Variants in NAE1 observed in about 807,000 individuals in gnomAD.
NAE1 encodes the protein NEDD8-activating enzyme E1 regulatory subunit.
A neutral mutation model predicts 88.0 loss-of-function variants in NAE1; 59 were observed. That is an observed-to-expected ratio of 0.67 (90% CI 0.54 to 0.83). NAE1 has a LOEUF of 0.83. Ranked by LOEUF, NAE1 falls within the 40% of genes least tolerant of loss-of-function variation. NAE1 has a pLI of 0.00. For synonymous variants in NAE1, 186 were observed against 208.9 expected, an observed-to-expected ratio of 0.89 and a Z score of 0.95; for missense variants, 554 against 632.8, an observed-to-expected ratio of 0.88 and a Z score of 1.34.
chr16:66,805,513 C>A lies in NAE1; in HGVS notation c.1495+264G>T, dbSNP rs920496808. ...AATTAGCCAGGCTTACTGGCACATG[C>A]CTGTAGTCCCAGCTATTCAGGAGGC... On this transcript the variant is annotated intron_variant, in intron 19 of 19. Transcript: ENST00000290810. 7 of 355,076 alleles carry A rather than the reference C, an allele frequency of 2.0e-5. No homozygotes were observed. In the East Asian group the frequency reaches 2.0e-4, roughly 10 times the overall value. 22.0% of individuals were successfully genotyped at this position (355,076 alleles called of 1,614,324 possible). A position where few individuals can be genotyped will look rare whatever the true frequency, so the allele number is the denominator to read the frequency against.
intron 1 of NAE1, among the ~76,000 whole-genome samples, chr16:66,829,393 T>C (rs1390678030): frequency 1.3e-5 from 2 of 152,198 alleles, no homozygotes; most frequent in African/African-American, 4.8e-5. Context: ...TGTAACTGAG[T>C]ACCTCCGAAA....
At chr16:66,830,059 A>T (rs1960632261) in intron 1 of NAE1, among the ~76,000 whole-genome samples, 1 of 152,054 alleles carries the variant, frequency 6.6e-6, no homozygotes, top group Non-Finnish European at 1.5e-5. Flanking sequence ...CTAATTTCTG[A>T]ATTTTTAAAT....
At chr16:66,804,861 C>T (rs1959500802) in intron 19 of NAE1, among the ~76,000 whole-genome samples, 1 of 151,938 alleles carries the variant, frequency 6.6e-6, no homozygotes, top group Admixed American at 6.6e-5. Flanking sequence ...GCCTATGAAC[C>T]AGGAAATGGG....
chr16:66,824,947 T>C, intron 3 of NAE1, 62 bp from the exon 4 acceptor site: 1 of 1,428,902 alleles, frequency 7.0e-7, no homozygotes, highest in African/African-American at 1.4e-5. Flanking sequence ...GAAAAGTTGT[T>C]TGTAATAGCA....
chr16:66,803,149 T>G (rs767702105), intron 19 of NAE1, 31 bp from the exon 20 acceptor site: 1 of 1,415,292 alleles, frequency 7.1e-7, no homozygotes, highest in Non-Finnish European at 1.0e-6. Flanking sequence ...AGCAAATCTT[T>G]GAAAGAGTAA....
intron 13 of NAE1, among the ~76,000 whole-genome samples, chr16:66,812,930 C>T (rs1410805460): frequency 6.6e-6 from 1 of 151,602 alleles, no homozygotes; most frequent in African/African-American, 2.4e-5. Context: ...TCACGCTATT[C>T]TCCTGCCTCA....
intron 1 of NAE1, among the ~76,000 whole-genome samples, chr16:66,830,511 C>T (rs1377266785): frequency 6.6e-6 from 1 of 152,360 alleles, no homozygotes; most frequent in Non-Finnish European, 1.5e-5. Flanking sequence ...GTGCCGCCCT[C>T]GCGGCCGGGA....
intron 19 of NAE1, among the ~76,000 whole-genome samples, chr16:66,804,963 A>G (rs1261426612): frequency 6.6e-6 from 1 of 152,152 alleles, no homozygotes; most frequent in Non-Finnish European, 1.5e-5. Flanking sequence ...TAAGTCTATG[A>G]TATTCTGTTA....
Position 66,828,453 on chromosome 16 carries a change from T to C in NAE1, c.54-1673A>G, listed in dbSNP as rs149868433. The stretch of plus-strand genomic sequence containing the variant: ...TTGCAGTGAGCCAAGACCGCGCCAC[T>C]GCACTCCAGCCTGCGCAACACAGTG... On this transcript the variant is annotated intron_variant, in intron 1 of 19. Transcript: ENST00000290810. 1.8e-3 allele frequency among the ~76,000 whole-genome samples: 268 copies of C among 147,498 alleles called. 1 individual carries two copies. The highest frequency in any genetic ancestry group is 6.3e-3 in the African/African-American group (249 of 39,486).
At chr16:66,812,510 GTTC>G (rs1959844034) in intron 13 of NAE1, among the ~76,000 whole-genome samples, 4 of 135,642 alleles carry the variant, frequency 2.9e-5, no homozygotes, top group African/African-American at 5.5e-5. Flanking sequence ...TGCCCCCTAA[GTTC>G]TTTTTTTTTT....
intron 1 of NAE1, 64 bp downstream of exon 1, chr16:66,830,783 T>C: frequency 6.9e-7 from 1 of 1,458,886 alleles, no homozygotes. Context: ...CCCGCGCCCT[T>C]AGGCCCGGCC....
intron 17 of NAE1, among the ~76,000 whole-genome samples, chr16:66,806,415 T>G (rs534013715): frequency 6.6e-6 from 1 of 152,242 alleles, no homozygotes; most frequent in South Asian, 2.1e-4. Flanking sequence ...ATAAAGCTAT[T>G]AATAATAGGT....
intron 1 of NAE1, among the ~76,000 whole-genome samples, chr16:66,827,782 T>C (rs1301428536): frequency 1.3e-5 from 2 of 152,226 alleles, no homozygotes; most frequent in Non-Finnish European, 2.9e-5. Flanking sequence ...CCCTGTTACC[T>C]GATTTAAAGC....
intron 7 of NAE1, 49 bp downstream of exon 7, chr16:66,821,401 A>G (rs753000958): frequency 8.3e-6 from 12 of 1,450,596 alleles, no homozygotes; most frequent in Non-Finnish European, 1.1e-5. Context: ...AGTTTCTAAA[A>G]TTATAGCTAA....
chr16:66,821,717 C>A (rs1420283395), intron 6 of NAE1, among the ~76,000 whole-genome samples, 158 bp from the exon 7 acceptor site: 1 of 152,216 alleles, frequency 6.6e-6, no homozygotes, highest in Non-Finnish European at 1.5e-5. Flanking sequence ...CAAGAACACA[C>A]TGAAAAGCAA....
chr16:66,823,283 A>C lies in NAE1; in HGVS notation c.345T>G (p.Asn115Lys). The change falls in exon 6 of 20, where the codon AAT becomes AAG. Residue 115 changes from asparagine (N) to lysine (K), a missense_variant. Asn to Lys is a moderately conservative substitution (Grantham distance 94). Transcript: ENST00000290810. ...VEESPENLLDNDPSFFCRFTV... is the reference protein window; with the variant it reads ...VEESPENLLDKDPSFFCRFTV... ...TAAACCTACAGAAAAATGAGGGATC[A>C]TTGTCTAGAAGGTTTTCTGGACTCT... is the stretch of plus-strand genomic sequence containing the variant. 2 of 1,604,226 alleles carry C rather than the reference A, an allele frequency of 1.2e-6. No homozygotes were observed. The highest frequency in any genetic ancestry group is 2.7e-5 in the African/African-American group (2 of 74,552).
chr16:66,818,438 G>C, intron 8 of NAE1, 90 bp downstream of exon 8: 4 of 915,202 alleles, frequency 4.4e-6, no homozygotes, highest in Non-Finnish European at 4.8e-6. Context: ...AAGTTTATAG[G>C]ATTTTCTCAC....
At chr16:66,822,011 A>C (rs1166917647) in intron 6 of NAE1, among the ~76,000 whole-genome samples, 8 of 152,010 alleles carry the variant, frequency 5.3e-5, no homozygotes, top group African/African-American at 1.9e-4. Flanking sequence ...CTGGGACCAC[A>C]AGCAGGCACA....
At chr16:66,814,018 G>A (rs1280343103) in intron 11 of NAE1, among the ~76,000 whole-genome samples, 172 bp from the exon 12 acceptor site, 4 of 152,004 alleles carry the variant, frequency 2.6e-5, no homozygotes. Flanking sequence ...AGATTTGATG[G>A]GGAAAGAATG....
Sources: gnomAD v4.1 joint callset for allele counts (sites outside exome capture counted in the v4.1 genomes callset) on GRCh38, gnomAD v4.1.1 for gene constraint, MANE v1.5 for transcripts, NCBI Gene and HGNC (gene_info 2026-07-23, HGNC 2026-07-21) for gene names.